NCOA1: variants seen among roughly 807,000 people sequenced by gnomAD.
NCOA1 encodes the protein Hin-2 protein.
In NCOA1, 35 loss-of-function variants were observed where a neutral mutation model predicts 150.9. That is an observed-to-expected ratio of 0.23 (90% CI 0.18 to 0.31). The LOEUF is 0.31. Among genes scored for constraint, NCOA1 ranks in the 10% least tolerant of loss-of-function variants. The probability of loss-of-function intolerance (pLI) is 1.00; values close to 1 mark genes in which losing one functional copy is unlikely to be tolerated. For synonymous variants in NCOA1, 590 were observed against 630.0 expected (o/e 0.94, Z 0.95); for missense variants, 1,491 against 1,749.3 (o/e 0.85, Z 2.63).
At chr2:24,506,671 A>G (rs182012243) in intron 1 of NCOA1, among the ~76,000 whole-genome samples, 46 of 152,304 alleles carry the variant, frequency 3.0e-4, no homozygotes, top group Admixed American at 1.4e-3. Context: ...ATTATGAAAT[A>G]TATATAGTAC....
intron 17 of NCOA1, among the ~76,000 whole-genome samples, chr2:24,739,199 G>A (rs976170355): frequency 6.6e-6 from 1 of 152,096 alleles, no homozygotes; most frequent in African/African-American, 2.4e-5. Context: ...AGGCTGGAGT[G>A]CAGTGTGTTT....
intron 1 of NCOA1, among the ~76,000 whole-genome samples, chr2:24,523,696 G>A (rs1409700021): frequency 1.3e-5 from 2 of 148,322 alleles, no homozygotes; most frequent in African/African-American, 4.9e-5. Flanking sequence ...CGGAGGCCGA[G>A]GTGGGCGGAT....
chr2:24,637,101 C>T (rs55946462), intron 3 of NCOA1, among the ~76,000 whole-genome samples: 4,145 of 149,134 alleles, frequency 0.028, 62 homozygotes, highest in African/African-American at 0.042. Context: ...TATTATTATA[C>T]TTTAAGTTTT....
intron 14 of NCOA1, among the ~76,000 whole-genome samples, chr2:24,721,853 A>G (rs1674372142): frequency 6.6e-6 from 1 of 152,148 alleles, no homozygotes; most frequent in Admixed American, 6.5e-5. Flanking sequence ...GTTTAGTTGA[A>G]GTTTCACAAT....
intron 11 of NCOA1, among the ~76,000 whole-genome samples, chr2:24,704,385 T>C (rs921969645): frequency 6.6e-6 from 1 of 152,092 alleles, no homozygotes; most frequent in East Asian, 1.9e-4. Context: ...GAAAACAAAC[T>C]TGTTAAAGAT....
rs559429892 is a variant in NCOA1 at position 24,711,364 on chromosome 2, G to A, written c.2599+253G>A. On this transcript the variant is annotated intron_variant, in intron 14 of 22. Coordinates refer to ENST00000348332, the MANE Select transcript of NCOA1 (RefSeq NM_003743.5). Reference sequence around the variant, plus strand: ...TGATGTTAAGGAGAACAATTTTGTCGTCTCACCCAAAACACCCCATAACAG... The same window carrying A: ...TGATGTTAAGGAGAACAATTTTGTCATCTCACCCAAAACACCCCATAACAG... 18 of 298,992 alleles carry A rather than the reference G, an allele frequency of 6.0e-5. No homozygotes were observed. In the South Asian group the frequency reaches 7.0e-4, roughly 12 times the overall value. The allele number at this position is 298,992 out of a possible 1,614,324, so 18.5% of individuals were successfully genotyped here. A position where few individuals can be genotyped will look rare whatever the true frequency, so the allele number is the denominator to read the frequency against.
chr2:24,643,252 GCACTTAA>G (rs1670311598), intron 3 of NCOA1, among the ~76,000 whole-genome samples: 1 of 152,148 alleles, frequency 6.6e-6, no homozygotes, highest in Non-Finnish European at 1.5e-5. Context: ...TAGCCTCTCT[GCACTTAA>G]GTGGGAGTAC....
chr2:24,585,830 T>G (rs912329092), intron 3 of NCOA1, among the ~76,000 whole-genome samples: 1 of 152,242 alleles, frequency 6.6e-6, no homozygotes, highest in African/African-American at 2.4e-5. Context: ...ATGATGTATT[T>G]TTAATGTTAT....
intron 1 of NCOA1, among the ~76,000 whole-genome samples, chr2:24,501,063 C>T (rs1663440627): frequency 6.6e-6 from 1 of 152,076 alleles, no homozygotes. Flanking sequence ...GCTGAAAACA[C>T]AAAAAGGCAA....
chr2:24,632,083 A>G (rs1202440976), intron 3 of NCOA1, among the ~76,000 whole-genome samples: 1 of 152,140 alleles, frequency 6.6e-6, no homozygotes, highest in Non-Finnish European at 1.5e-5. Flanking sequence ...CACTCTCAAA[A>G]CAGCAGTTTA....
At chr2:24,615,078 A>C (rs559859780) in intron 3 of NCOA1, among the ~76,000 whole-genome samples, 23 of 152,294 alleles carry the variant, frequency 1.5e-4, no homozygotes, top group Non-Finnish European at 3.4e-4. Flanking sequence ...ATTCCAGAGC[A>C]TGTAATCTTA....
In NCOA1 at chr2:24,524,490, C is replaced by T. The variant is rs140866154; in HGVS notation, c.-396+32888C>T. Reference sequence around the variant, plus strand: ...TAAATTATTTTGTAGAGATGGTGTCCCACTCTGTTGCCCACACTGGTCTTG... The same window carrying T: ...TAAATTATTTTGTAGAGATGGTGTCTCACTCTGTTGCCCACACTGGTCTTG... On this transcript the variant is annotated intron_variant, in intron 1 of 22. Transcript: ENST00000348332. Among the ~76,000 whole-genome samples the T allele has an allele frequency of 2.6e-5, 4 of 151,684 alleles. No homozygotes were observed. The East Asian group carries it at 7.8e-4, about 30-fold the overall frequency.
At chr2:24,498,570 C>CT (rs1663322145) in intron 1 of NCOA1, among the ~76,000 whole-genome samples, 1 of 152,046 alleles carries the variant, frequency 6.6e-6, no homozygotes, top group South Asian at 2.1e-4. Flanking sequence ...GGGATGATTT[C>CT]TTTAAGAATA....
At chr2:24,705,722 A>G (rs1049868608) in intron 12 of NCOA1, among the ~76,000 whole-genome samples, 4 of 152,174 alleles carry the variant, frequency 2.6e-5, no homozygotes, top group African/African-American at 9.6e-5. Flanking sequence ...TTACACTGAT[A>G]TATGGTAAAT....
chr2:24,688,240 A>AATGATTTAT (rs1672499017), intron 8 of NCOA1, among the ~76,000 whole-genome samples: 1 of 152,172 alleles, frequency 6.6e-6, no homozygotes, highest in African/African-American at 2.4e-5. Context: ...TTTATGGTGG[A>AATGATTTAT]ATGATTTATA....
At chr2:24,712,794 A>C (rs1241115317) in intron 14 of NCOA1, among the ~76,000 whole-genome samples, 1 of 151,818 alleles carries the variant, frequency 6.6e-6, no homozygotes, top group Non-Finnish European at 1.5e-5. Flanking sequence ...TTTTTTTTTA[A>C]TGAGGGAAAT....
intron 3 of NCOA1, among the ~76,000 whole-genome samples, chr2:24,639,878 ACT>A (rs1271993083): frequency 4.8e-5 from 6 of 125,370 alleles, no homozygotes; most frequent in Non-Finnish European, 9.9e-5. Flanking sequence ...ACAGTGCGAG[ACT>A]CTGTCTCAAA....
intron 1 of NCOA1, among the ~76,000 whole-genome samples, chr2:24,540,160 C>G (rs1344297678): frequency 6.6e-6 from 1 of 152,086 alleles, no homozygotes; most frequent in African/African-American, 2.4e-5. Context: ...AGATAAGAAT[C>G]TCTTAAATGT....
At chr2:24,526,047 T>G (rs1416938237) in intron 1 of NCOA1, among the ~76,000 whole-genome samples, 1 of 152,202 alleles carries the variant, frequency 6.6e-6, no homozygotes, top group Non-Finnish European at 1.5e-5. Context: ...TCCTATATGC[T>G]TCTCTTTTCC....
Sources: allele counts gnomAD v4.1 joint callset (sites outside exome capture counted in the v4.1 genomes callset), GRCh38; gene constraint gnomAD v4.1.1; transcripts MANE v1.5; gene names NCBI Gene and HGNC (gene_info 2026-07-23, HGNC 2026-07-21).